The following WDFY4 variants were observed in gnomAD, a reference collection of about 807,000 sequenced individuals.
WDFY4 encodes the protein WDFY family member 4, also known as WD repeat- and FYVE domain-containing protein 4.
Under a neutral mutation model 351.9 loss-of-function variants are expected in WDFY4, and 169 were observed. The observed-to-expected ratio is 0.48, with a 90% confidence interval of 0.42 to 0.55. WDFY4 has a LOEUF of 0.55. Ranked by LOEUF, WDFY4 falls within the 20% of genes least tolerant of loss-of-function variation. WDFY4 has a pLI of 0.00. For missense variants in WDFY4, 3,803 were observed against 3,935.6 expected, an observed-to-expected ratio of 0.97 and a Z score of 0.90; for synonymous variants, 1,622 against 1,574.6, an observed-to-expected ratio of 1.03 and a Z score of -0.71.
intron 31 of WDFY4, among the ~76,000 whole-genome samples, chr10:48,816,830 C>T (rs2067634717): frequency 6.6e-6 from 1 of 152,154 alleles, no homozygotes; most frequent in Non-Finnish European, 1.5e-5. Flanking sequence ...AAGACTCAGA[C>T]TTCTAAGATC....
chr10:48,842,528 C>T (rs1471458659), intron 39 of WDFY4, among the ~76,000 whole-genome samples: 1 of 152,150 alleles, frequency 6.6e-6, no homozygotes, highest in Non-Finnish European at 1.5e-5. Context: ...GGGGCTTTCT[C>T]CTGCAAGTTC....
At chr10:48,919,384 T>C (rs751588100) in intron 47 of WDFY4, among the ~76,000 whole-genome samples, 4 of 152,208 alleles carry the variant, frequency 2.6e-5, no homozygotes, top group Non-Finnish European at 4.4e-5. Flanking sequence ...AGAAATGGAA[T>C]TCACGGTTGA....
At chr10:48,744,801 A>AT (rs148597141) in intron 12 of WDFY4, among the ~76,000 whole-genome samples, 23,805 of 152,024 alleles carry the variant, frequency 0.16, 2,208 homozygotes, top group Middle Eastern at 0.21. Flanking sequence ...TTGCAAGCTG[A>AT]TTTTCCCATT....
At chr10:48,947,739 G>T (rs1189060512) in intron 51 of WDFY4, among the ~76,000 whole-genome samples, 1 of 152,124 alleles carries the variant, frequency 6.6e-6, no homozygotes, top group Non-Finnish European at 1.5e-5. Context: ...CTTCCAAGGA[G>T]CCCCTTTATC....
At chr10:48,815,384 T>G (rs1025612978) in intron 31 of WDFY4, among the ~76,000 whole-genome samples, 14 of 152,234 alleles carry the variant, frequency 9.2e-5, no homozygotes, top group Admixed American at 6.5e-4. Context: ...TGATTATATC[T>G]TTTGCCAGTT....
chr10:48,764,112 T>C (rs1259874488), intron 13 of WDFY4, among the ~76,000 whole-genome samples: 1 of 152,224 alleles, frequency 6.6e-6, no homozygotes, highest in East Asian at 1.9e-4. Context: ...CTTTACACTA[T>C]TCACTTGCTC....
intron 39 of WDFY4, among the ~76,000 whole-genome samples, chr10:48,840,740 A>G (rs531646388): frequency 2.0e-5 from 3 of 152,344 alleles, no homozygotes; most frequent in East Asian, 3.9e-4. Flanking sequence ...AGGGGGAAGG[A>G]TAAGAGCTGG....
intron 47 of WDFY4, among the ~76,000 whole-genome samples, chr10:48,919,641 C>T (rs1018996428): frequency 2.6e-5 from 4 of 152,134 alleles, no homozygotes; most frequent in African/African-American, 9.7e-5. Context: ...TTGCCGTGTC[C>T]TCACATGGTA....
chr10:48,822,230 G>T (rs887472519), intron 34 of WDFY4, 150 bp from the exon 35 acceptor site: 1 of 725,652 alleles, frequency 1.4e-6, no homozygotes, highest in Non-Finnish European at 2.0e-6. Context: ...TGTGTGTGTT[G>T]GGCACCTCGT....
At chr10:48,870,556 GAAA>G (rs201718745) in intron 40 of WDFY4, among the ~76,000 whole-genome samples, 20 of 122,914 alleles carry the variant, frequency 1.6e-4, no homozygotes, top group Non-Finnish European at 2.1e-4. Context: ...CCTTGTCTCT[GAAA>G]AAAAAAAAAA....
intron 35 of WDFY4, chr10:48,823,302 T>C (rs1470614542): frequency 2.3e-6 from 3 of 1,285,868 alleles, no homozygotes; most frequent in Non-Finnish European, 2.0e-6. Context: ...GGGGGATGTC[T>C]GTGATTCTTG....
intron 40 of WDFY4, among the ~76,000 whole-genome samples, chr10:48,868,199 C>A (rs1409140610): frequency 6.6e-6 from 1 of 152,180 alleles, no homozygotes; most frequent in East Asian, 1.9e-4. Flanking sequence ...CCACAACATG[C>A]CCCTGGGAAG....
intron 43 of WDFY4, 144 bp downstream of exon 43, chr10:48,877,343 A>T (rs2070059584): frequency 1.2e-6 from 1 of 805,852 alleles, no homozygotes; most frequent in South Asian, 1.9e-5. Flanking sequence ...TAATCAGTGA[A>T]AAAAGGGATA....
chr10:48,735,705 C>T (rs1043025181), intron 10 of WDFY4, among the ~76,000 whole-genome samples, 175 bp from the exon 11 acceptor site: 4 of 151,962 alleles, frequency 2.6e-5, no homozygotes, highest in African/African-American at 9.7e-5. Context: ...CTTTTTTCTG[C>T]TTCTCACTTT....
intron 7 of WDFY4, among the ~76,000 whole-genome samples, chr10:48,728,723 T>A (rs2064353886): frequency 6.6e-6 from 1 of 152,274 alleles, no homozygotes; most frequent in Non-Finnish European, 1.5e-5. Flanking sequence ...GTCTGGGCTG[T>A]GACCAGCTGA....
chr10:48,731,810 C>T (rs535284666), intron 9 of WDFY4, among the ~76,000 whole-genome samples: 43 of 152,336 alleles, frequency 2.8e-4, no homozygotes, highest in African/African-American at 9.6e-4. Context: ...TTAGATATCT[C>T]TTGTCCTAGA....
intron 28 of WDFY4, among the ~76,000 whole-genome samples, chr10:48,809,470 C>T (rs773091834): frequency 3.3e-5 from 5 of 152,018 alleles, no homozygotes; most frequent in Middle Eastern, 3.4e-3. Flanking sequence ...TCACCACCAG[C>T]ATCACCATCA....
intron 12 of WDFY4, among the ~76,000 whole-genome samples, chr10:48,758,524 C>T (rs570740994): frequency 3.7e-4 from 57 of 152,302 alleles, no homozygotes; most frequent in Admixed American, 7.2e-4. Context: ...TACTCTTTCT[C>T]GTCTCCTTGG....
rs577155140 is a variant in WDFY4 at position 48,781,278 on chromosome 10, ATG to A, written c.3576+1173_3576+1174del. Among the ~76,000 whole-genome samples, 12 of 150,390 alleles carry A rather than the reference ATG, an allele frequency of 8.0e-5. No individual in the cohort carries two copies. In the East Asian group the frequency reaches 1.4e-3, roughly 17 times the overall value. On this transcript the variant is annotated intron_variant, in intron 19 of 61. Transcript: ENST00000325239. ...TATGTGTGTGTGTGTATATATATAT[ATG>A]TGTGTGTGTGTGTATATATATATAT...
Sources: allele counts gnomAD v4.1 joint callset (sites outside exome capture counted in the v4.1 genomes callset), GRCh38; gene constraint gnomAD v4.1.1; transcripts MANE v1.5; gene names NCBI Gene and HGNC (gene_info 2026-07-23, HGNC 2026-07-21).